The following STOX2 variants were observed in gnomAD, a reference collection of about 807,000 sequenced individuals.
STOX2 encodes storkhead-box protein 2.
Under a neutral mutation model 60.9 loss-of-function variants are expected in STOX2, and 28 were observed. The observed-to-expected ratio is 0.46, with a 90% CI of 0.34 to 0.63. The LOEUF (loss-of-function observed/expected upper bound fraction) is 0.63, where lower values mean the gene tolerates loss of function less well. Among genes scored for constraint, STOX2 ranks in the 30% least tolerant of loss-of-function variants. The pLI is 0.01. For missense variants in STOX2, 1,024 were observed against 1,187.7 expected (o/e 0.86, Z 2.03); for synonymous variants, 472 against 463.9 (o/e 1.02, Z -0.22).
At chr4:183,943,296 T>C (rs1223989927) in intron 1 of STOX2, among the ~76,000 whole-genome samples, 6 of 152,206 alleles carry the variant, frequency 3.9e-5, no homozygotes, top group Non-Finnish European at 8.8e-5. Flanking sequence ...AAATCTAAAA[T>C]ACTTTATTTT....
chr4:183,970,993 G>A (rs941560787), intron 1 of STOX2, among the ~76,000 whole-genome samples: 5 of 152,108 alleles, frequency 3.3e-5, no homozygotes, highest in Non-Finnish European at 4.4e-5. Flanking sequence ...ATAACCGTTG[G>A]GGTCATATCC....
At chr4:183,875,003 A>G (rs1740797727) in intron 1 of STOX2, among the ~76,000 whole-genome samples, 1 of 116,436 alleles carries the variant, frequency 8.6e-6, no homozygotes, top group Non-Finnish European at 1.7e-5. Context: ...AAAACTTAGA[A>G]TTTTGCAGTG....
chr4:183,816,207 T>C (rs1236117977), intron 1 of STOX2, among the ~76,000 whole-genome samples: 1 of 152,210 alleles, frequency 6.6e-6, no homozygotes, highest in Non-Finnish European at 1.5e-5. Flanking sequence ...CCAGTTAGCC[T>C]TAGTCATAAA....
chr4:183,955,007 C>T (rs999052597), intron 1 of STOX2, among the ~76,000 whole-genome samples: 3 of 152,242 alleles, frequency 2.0e-5, no homozygotes, highest in African/African-American at 7.2e-5. Flanking sequence ...GGCCCCCCAA[C>T]CAATCCTGGA....
intron 1 of STOX2, among the ~76,000 whole-genome samples, chr4:183,897,666 A>G (rs1196579957): frequency 1.3e-5 from 2 of 152,250 alleles, no homozygotes; most frequent in African/African-American, 4.8e-5. Context: ...ATTTTCCCAA[A>G]GAAGATGGCA....
At chr4:184,015,902 G>A (rs1734350958) in intron 3 of STOX2, 1 of 152,168 alleles carries the variant, frequency 6.6e-6, no homozygotes, top group Non-Finnish European at 1.5e-5. Context: ...AAGCTACTCA[G>A]TTCTTCTCAA....
chr4:183,883,099 C>CA (rs1740993077), intron 1 of STOX2, among the ~76,000 whole-genome samples: 1 of 151,932 alleles, frequency 6.6e-6, no homozygotes, highest in African/African-American at 2.4e-5. Context: ...TCAGCAATGT[C>CA]ATCATGTTTC....
chr4:183,942,047 G>A (rs566184038), intron 1 of STOX2, among the ~76,000 whole-genome samples: 2 of 152,250 alleles, frequency 1.3e-5, no homozygotes, highest in Non-Finnish European at 1.5e-5. Flanking sequence ...AAACTCTCAA[G>A]GATTAGTAAG....
intron 1 of STOX2, among the ~76,000 whole-genome samples, chr4:183,875,407 C>A (rs1382160049): frequency 6.6e-6 from 1 of 152,224 alleles, no homozygotes; most frequent in East Asian, 1.9e-4. Flanking sequence ...GATAGCACTT[C>A]CGCAGAGGCC....
At position 183,946,020 on chromosome 4, in the gene STOX2, A is replaced by G. The variant is rs771066016; in HGVS notation, c.166+39064A>G. Among the ~76,000 whole-genome samples the G allele has an allele frequency of 2.0e-5, 3 of 152,328 alleles. No homozygotes were observed. The South Asian group carries it at 6.2e-4, about 32-fold the overall frequency. On this transcript the variant is annotated intron_variant, in intron 1 of 3. Coordinates refer to ENST00000308497, the MANE Select transcript of STOX2 (RefSeq NM_020225.3). ...AAGGGAACAATTTAACATATTTTCT[A>G]TGTCAATGGGCACACAGGGTAAATG...
chr4:183,878,470 AGTC>A (rs1740880645), intron 1 of STOX2, among the ~76,000 whole-genome samples: 1 of 152,228 alleles, frequency 6.6e-6, no homozygotes. Flanking sequence ...CTGTTTTAAC[AGTC>A]GTTTTCTGGG....
intron 1 of STOX2, among the ~76,000 whole-genome samples, chr4:183,956,279 CA>C (rs1004944527): frequency 1.8e-4 from 28 of 152,116 alleles, no homozygotes; most frequent in African/African-American, 6.8e-4. Flanking sequence ...TTTCTTGTGA[CA>C]GAAAAGTTAC....
intron 1 of STOX2, among the ~76,000 whole-genome samples, chr4:183,999,247 A>T (rs961433831): frequency 3.9e-5 from 6 of 152,104 alleles, no homozygotes; most frequent in Non-Finnish European, 8.8e-5. Flanking sequence ...ATACGAACTG[A>T]GCTTCACCAG....
rs1560857813 is a variant in STOX2, at chr4:183,874,955, ATATATATAT to A, written c.364+76901_364+76909del. ...AAAAAAAAAAAAAAAAAAAAAAAAT[ATATATATAT>A]ATATATATATATATATATATATATA... On this transcript the variant is annotated intron_variant, in intron 1 of 2. Transcript: ENST00000513034. Among the ~76,000 whole-genome samples the A allele has an allele frequency of 3.1e-3, 93 of 30,158 alleles. 1 individual carries two copies. Among genetic ancestry groups the A allele is most frequent in the African/African-American group, 4.9e-3 (37 of 7,528 alleles). The allele number at this position is 30,158 out of a possible 152,430, so 19.8% of individuals were successfully genotyped here.
At chr4:183,949,503 G>T (rs541013598) in intron 1 of STOX2, among the ~76,000 whole-genome samples, 16 of 152,110 alleles carry the variant, frequency 1.1e-4, no homozygotes, top group South Asian at 2.1e-4. Context: ...TTCGAGACCA[G>T]CCTGGCCAAC....
At chr4:183,862,902 G>T (rs112603113) in intron 1 of STOX2, among the ~76,000 whole-genome samples, 1,626 of 152,248 alleles carry the variant, frequency 0.011, 31 homozygotes, top group African/African-American at 0.038. Flanking sequence ...TACAAGGAAG[G>T]CGTGGTTATT....
At position 184,022,055 on chromosome 4, in the gene STOX2, G is replaced by A. The variant is rs1362492282; in HGVS notation, c.*4771G>A. On this transcript the variant is annotated 3_prime_UTR_variant, in exon 4 of 4. Transcript: ENST00000308497. ...GAACACAGGAAACATGAATGCAAAAGGCATGGAAAACACTGTTTTGCTTTG... is the reference window on the plus strand; with the variant it reads ...GAACACAGGAAACATGAATGCAAAAAGCATGGAAAACACTGTTTTGCTTTG... 1 of 152,166 alleles carries A rather than the reference G, an allele frequency of 6.6e-6. No individual in the cohort carries two copies. Among genetic ancestry groups the A allele is most frequent in the Non-Finnish European group, 1.5e-5 (1 of 68,054 alleles). 9.4% of individuals were successfully genotyped at this position (152,166 alleles called of 1,614,324 possible). A position where few individuals can be genotyped will look rare whatever the true frequency, so the allele number is the denominator to read the frequency against.
chr4:183,884,398 G>A (rs1377002563), intron 1 of STOX2, among the ~76,000 whole-genome samples: 2 of 152,044 alleles, frequency 1.3e-5, no homozygotes, highest in African/African-American at 2.4e-5. Context: ...ATTGGTTTGG[G>A]AGGCTGAGGC....
At chr4:183,990,202 T>G (rs1484894904) in intron 1 of STOX2, among the ~76,000 whole-genome samples, 1 of 152,194 alleles carries the variant, frequency 6.6e-6, no homozygotes, top group Non-Finnish European at 1.5e-5. Flanking sequence ...CATCATGTCC[T>G]CACACCCATC....
Sources: gnomAD v4.1 joint callset for allele counts (sites outside exome capture counted in the v4.1 genomes callset) on GRCh38, gnomAD v4.1.1 for gene constraint, MANE v1.5 for transcripts, NCBI Gene and HGNC (gene_info 2026-07-23, HGNC 2026-07-21) for gene names.